The following OR2C1 variants were observed in gnomAD, a reference collection of about 807,000 sequenced individuals.
OR2C1 encodes the protein olfactory receptor 2C1.
For missense variants in OR2C1, 468 were observed against 388.3 expected (o/e 1.21, Z -1.73); for synonymous variants, 209 against 167.3 (o/e 1.25, Z -1.92).
chr16:3,324,260 C>G, the OR2C1 span, among the ~76,000 whole-genome samples: 1 of 152,056 alleles, frequency 6.6e-6, no homozygotes, highest in South Asian at 2.1e-4. Flanking sequence ...TGCCCGGTCT[C>G]GGCTCACTGC....
the OR2C1 span, among the ~76,000 whole-genome samples, chr16:3,341,560 T>C: frequency 6.6e-6 from 1 of 152,214 alleles, no homozygotes; most frequent in African/African-American, 2.4e-5. Flanking sequence ...CAGCTATAAA[T>C]TGAAGATTTT....
At chr16:3,351,132 A>G (rs2030566034), upstream of OR2C1, among the ~76,000 whole-genome samples, 1 of 151,366 alleles carries the variant, frequency 6.6e-6, no homozygotes, top group Non-Finnish European at 1.5e-5. Context: ...AAAGAATTTA[A>G]TCAATATTTT....
the OR2C1 span, among the ~76,000 whole-genome samples, chr16:3,342,441 GGT>G: frequency 6.6e-6 from 1 of 152,254 alleles, no homozygotes; most frequent in South Asian, 2.1e-4. Flanking sequence ...AAATGGGCCG[GGT>G]GCAATGGCTC....
In OR2C1 at chr16:3,356,081, G is replaced by C. The variant is rs1299573186; in HGVS notation, c.141G>C (p.Leu47Phe). 6.2e-7 allele frequency: 1 copy of C among 1,613,978 alleles called. No individual in the cohort carries two copies. Among genetic ancestry groups the C allele is most frequent in the Non-Finnish European group, 8.5e-7 (1 of 1,180,036 alleles). The change falls in exon 1 of 1, where the codon TTG (leucine) becomes TTC (phenylalanine). Residue 47 changes from leucine (L) to phenylalanine (F), a missense_variant. By Grantham distance (22) the Leu-to-Phe change is conservative. Coordinates refer to ENST00000304936, the MANE Select transcript of OR2C1 (RefSeq NM_012368.3). ...TACTTGGGAACTCAACCATCATCTTGCTTTCCCGCCTGGAGGCCCGGCTCC... is the reference window on the plus strand; with the variant it reads ...TACTTGGGAACTCAACCATCATCTTCCTTTCCCGCCTGGAGGCCCGGCTCC... ...LTLLGNSTII[L>F]LSRLEARLHT...
At chr16:3,352,220 C>T (rs907546247), upstream of OR2C1, among the ~76,000 whole-genome samples, 1 of 151,850 alleles carries the variant, frequency 6.6e-6, no homozygotes, top group Admixed American at 6.6e-5. Flanking sequence ...AGGTTCAAGC[C>T]ATTCTCCTGC....
chr16:3,322,968 G>T, the OR2C1 span: 1 of 983,256 alleles, frequency 1.0e-6, no homozygotes, highest in South Asian at 4.7e-5. Flanking sequence ...GGCAGCCAAT[G>T]TAGAAAATGC....
chr16:3,327,604 A>T, the OR2C1 span, among the ~76,000 whole-genome samples: 9 of 150,964 alleles, frequency 6.0e-5, no homozygotes, highest in African/African-American at 2.2e-4. Flanking sequence ...TCCGGAAGGG[A>T]TACTAGATGC....
At chr16:3,332,510 C>T in the OR2C1 span, among the ~76,000 whole-genome samples, 2 of 151,882 alleles carry the variant, frequency 1.3e-5, no homozygotes, top group Non-Finnish European at 1.5e-5. Context: ...TTTTTATCCT[C>T]CCCCCCACTA....
chr16:3,356,539 A>G lies in OR2C1; in HGVS notation c.599A>G (p.Asn200Ser), dbSNP rs564528372. The G allele has an allele frequency of 5.6e-6, 9 of 1,614,168 alleles. No homozygotes were observed. In the Admixed American group the frequency reaches 6.7e-5, roughly 12 times the overall value. The change falls in exon 1 of 1, where the codon AAT (asparagine) becomes AGT (serine). Residue 200 changes from asparagine to serine, a missense_variant. Physicochemically the swap from Asn to Ser is conservative, Grantham distance 46. Coordinates refer to ENST00000304936, the MANE Select transcript of OR2C1 (RefSeq NM_012368.3). The stretch of plus-strand genomic sequence containing the variant: ...ACAAGTCTCAACCAGGCTGTGCTCA[A>G]TGGTGTCTGCACCTTCTTCACTGCA... Reference protein sequence around the residue: ...GDTSLNQAVLNGVCTFFTAVP... With the variant: ...GDTSLNQAVLSGVCTFFTAVP...
At chr16:3,325,474 T>A in the OR2C1 span, among the ~76,000 whole-genome samples, 3 of 30,650 alleles carry the variant, frequency 9.8e-5, no homozygotes, top group Non-Finnish European at 1.9e-4. Flanking sequence ...TATATATATA[T>A]ATATATATAT....
At position 3,356,204 on chromosome 16, in the gene OR2C1, A is replaced by C. The variant is rs757252460; in HGVS notation, c.264A>C (p.Pro88=). 2 of 1,614,222 alleles carry C rather than the reference A, an allele frequency of 1.2e-6. No homozygotes were observed. The highest frequency in any genetic ancestry group is 2.2e-5 in the South Asian group (2 of 91,082). ...VPQMLINLWG[P]GKTISYGGCI... is the part of the protein sequence containing the mutation. ...AAATGCTGATCAATTTATGGGGACCAGGCAAGACCATCAGCTATGGTGGCT... is the reference window on the plus strand; with the variant it reads ...AAATGCTGATCAATTTATGGGGACCCGGCAAGACCATCAGCTATGGTGGCT... The change falls in exon 1 of 1, where the codon CCA becomes CCC. Residue 88 remains proline (P), a synonymous_variant. Transcript: ENST00000304936.
chr16:3,356,267 C>T lies in OR2C1; in HGVS notation c.327C>T (p.Ala109=), dbSNP rs757413224. 3.2e-5 allele frequency: 51 copies of T among 1,613,832 alleles called. No homozygotes were observed. The highest frequency in any genetic ancestry group is 1.2e-4 in the African/African-American group (9 of 74,944). The change falls in exon 1 of 1, where the codon GCC becomes GCT. Residue 109 remains alanine (A), a synonymous_variant. Transcript: ENST00000304936. ...TCTATGTCTTCCTTTGGCTGGGGGC[C>T]ACCGAGTGCATCCTGCTGGTGGTGA... ...TQLYVFLWLG[A]TECILLVVMA...
chr16:3,353,217 C>T (rs898559327), upstream of OR2C1, among the ~76,000 whole-genome samples: 8 of 151,032 alleles, frequency 5.3e-5, no homozygotes, highest in Non-Finnish European at 7.4e-5. Context: ...GTAGGCCGGT[C>T]GCGGTGGCTC....
At chr16:3,331,782 T>A in the OR2C1 span, among the ~76,000 whole-genome samples, 2 of 150,432 alleles carry the variant, frequency 1.3e-5, no homozygotes, top group African/African-American at 4.9e-5. Context: ...CACACGTATG[T>A]TTATTGCGGC....
At position 3,356,592 on chromosome 16, in the gene OR2C1, T is replaced by C; in HGVS notation, c.652T>C (p.Tyr218His). 1 of 1,614,206 alleles carries C rather than the reference T, an allele frequency of 6.2e-7. No homozygotes were observed. The highest frequency in any genetic ancestry group is 8.5e-7 in the Non-Finnish European group (1 of 1,180,018). The part of the protein sequence containing the change: ...AVPLSIIVIS[Y>H]CLIAQAVLKI... Reference sequence around the variant, plus strand: ...CCCACTAAGCATCATCGTGATCTCCTACTGCCTCATTGCTCAGGCAGTGCT... The same window carrying C: ...CCCACTAAGCATCATCGTGATCTCCCACTGCCTCATTGCTCAGGCAGTGCT... Residue 218 changes from tyrosine to histidine, a missense_variant, in exon 1 of 1, where the codon TAC becomes CAC. Transcript: ENST00000304936.
At chr16:3,338,166 C>CTA in the OR2C1 span, among the ~76,000 whole-genome samples, 1 of 152,200 alleles carries the variant, frequency 6.6e-6, no homozygotes, top group Non-Finnish European at 1.5e-5. Context: ...CATGGTGCAG[C>CTA]TAAGCAATCA....
At chr16:3,329,447 A>AATT in the OR2C1 span, among the ~76,000 whole-genome samples, 4 of 151,798 alleles carry the variant, frequency 2.6e-5, no homozygotes, top group Non-Finnish European at 2.9e-5. Flanking sequence ...CATTACAGTA[A>AATT]ATTATTATTA....
the OR2C1 span, among the ~76,000 whole-genome samples, chr16:3,350,055 C>CT: frequency 0.55 from 56,075 of 101,486 alleles, 17,886 homozygotes; most frequent in East Asian, 0.72. Context: ...AAAAGGGAAT[C>CT]TTTTTTTTTT....
chr16:3,338,510 G>A, the OR2C1 span, among the ~76,000 whole-genome samples: 1 of 149,302 alleles, frequency 6.7e-6, no homozygotes, highest in South Asian at 2.1e-4. Flanking sequence ...GTTTTCTGTG[G>A]GGCTGGACAG....
Sources: allele counts gnomAD v4.1 joint callset (sites outside exome capture counted in the v4.1 genomes callset), GRCh38; gene constraint gnomAD v4.1.1; transcripts MANE v1.5; gene names NCBI Gene and HGNC (gene_info 2026-07-23, HGNC 2026-07-21).